CA13: variants seen among roughly 807,000 people sequenced by gnomAD.
The protein encoded by CA13 is CA-XIII.
A neutral mutation model predicts 31.5 loss-of-function variants in CA13; 21 were observed. The ratio of observed to expected loss-of-function variants is 0.67; its 90% CI spans 0.47 to 0.96. The LOEUF is 0.96. CA13 is among the 40% of genes least tolerant of loss of function. CA13 has a pLI of 0.00. For synonymous variants in CA13, 117 were observed against 111.4 expected (o/e 1.05, Z -0.32); for missense variants, 315 against 318.9 (o/e 0.99, Z 0.09).
At chr8:85,268,344 C>A in intron 5 of CA13, 128 bp from the exon 6 acceptor site, 1 of 823,776 alleles carries the variant, frequency 1.2e-6, no homozygotes, top group Non-Finnish European at 1.9e-6. Flanking sequence ...GAAGATATTA[C>A]ATAATTCTAG....
At chr8:85,248,160 A>C (rs904066229) in intron 1 of CA13, among the ~76,000 whole-genome samples, 1 of 152,138 alleles carries the variant, frequency 6.6e-6, no homozygotes, top group African/African-American at 2.4e-5. Flanking sequence ...ACATATCTCT[A>C]ATTAAGAATT....
intron 6 of CA13, 111 bp from the exon 7 acceptor site, chr8:85,281,119 C>T: frequency 7.7e-7 from 1 of 1,299,476 alleles, no homozygotes; most frequent in South Asian, 1.6e-5. Flanking sequence ...AGAAAATTTT[C>T]ATTGCAGTAT....
At chr8:85,253,243 C>A (rs967955952) in intron 2 of CA13, among the ~76,000 whole-genome samples, 1 of 149,876 alleles carries the variant, frequency 6.7e-6, no homozygotes, top group East Asian at 2.0e-4. Context: ...CTGCGCCCAG[C>A]CTTTTTTTCT....
intron 1 of CA13, chr8:85,249,736 T>G: frequency 2.9e-6 from 1 of 342,280 alleles, no homozygotes; most frequent in Non-Finnish European, 5.8e-6. Flanking sequence ...TAGGTGGTGA[T>G]AGCTGTATAA....
intron 3 of CA13, among the ~76,000 whole-genome samples, chr8:85,263,481 A>G (rs1807413874): frequency 6.6e-6 from 1 of 152,320 alleles, no homozygotes; most frequent in South Asian, 2.1e-4. Context: ...CAGTGACAGT[A>G]ATTTGGACTC....
chr8:85,250,924 A>G lies in CA13; in HGVS notation c.222A>G (p.Thr74=). 6.2e-7 allele frequency: 1 copy of G among 1,613,856 alleles called. No individual in the cohort carries two copies. The highest frequency in any genetic ancestry group is 2.2e-5 in the East Asian group (1 of 44,860). The change falls in exon 2 of 7, where the codon ACA becomes ACG. Residue 74 remains threonine (T), a synonymous_variant. Transcript: ENST00000321764. ...CCTTCAATGTTGACTTTGATGACAC[A>G]GAGAACAAATCAGGTTGGCTTTTCT... ...GHSFNVDFDD[T]ENKSVLRGGP...
rs2130029296 is a variant in CA13 at position 85,283,797 on chromosome 8, T to A, written c.*2448T>A. The stretch of plus-strand genomic sequence containing the variant: ...GGTTTCTGCTTCAGTATTGTGTTGG[T>A]TCTGTATTATAAATTGCACCTTAAT... On this transcript the variant is annotated 3_prime_UTR_variant, in exon 7 of 7. Coordinates refer to ENST00000321764, the MANE Select transcript of CA13 (RefSeq NM_198584.3). 6.5e-6 allele frequency: 1 copy of A among 152,720 alleles called. No homozygotes were observed. The highest frequency in any genetic ancestry group is 6.5e-5 in the Admixed American group (1 of 15,308). 9.5% of individuals were successfully genotyped at this position (152,720 alleles called of 1,614,324 possible).
intron 6 of CA13, among the ~76,000 whole-genome samples, chr8:85,271,280 C>A (rs1479460009): frequency 6.6e-6 from 1 of 152,176 alleles, no homozygotes; most frequent in Non-Finnish European, 1.5e-5. Flanking sequence ...GATACTGTCA[C>A]AATCAACAAA....
chr8:85,281,021 C>T (rs1046558418), intron 6 of CA13, among the ~76,000 whole-genome samples: 1 of 152,014 alleles, frequency 6.6e-6, no homozygotes, highest in Non-Finnish European at 1.5e-5. Context: ...ATTAAAAATG[C>T]TTATACATTT....
intron 5 of CA13, 64 bp downstream of exon 5, chr8:85,268,028 C>CT (rs1481866270): frequency 9.4e-7 from 1 of 1,060,646 alleles, no homozygotes; most frequent in African/African-American, 1.6e-5. Flanking sequence ...TCTTATCTTC[C>CT]TTTAAAGACT....
chr8:85,245,587 A>T lies in CA13; in HGVS notation c.-242A>T, dbSNP rs956651116. 5 of 540,852 alleles carry T rather than the reference A, an allele frequency of 9.2e-6. No homozygotes were observed. Among genetic ancestry groups the T allele is most frequent in the African/African-American group, 2.0e-5 (1 of 49,490 alleles). 33.5% of individuals were successfully genotyped at this position (540,852 alleles called of 1,614,324 possible). On this transcript the variant is annotated 5_prime_UTR_variant, in exon 1 of 7. Transcript: ENST00000321764. Reference sequence around the variant, plus strand: ...CTCTAACTCAAATCTCTCATTCCCGAGTCCAAACTAAGAGAGACTCGCGCC... The same window carrying T: ...CTCTAACTCAAATCTCTCATTCCCGTGTCCAAACTAAGAGAGACTCGCGCC...
At chr8:85,259,299 C>T in intron 2 of CA13, 122 bp from the exon 3 acceptor site, 2 of 725,670 alleles carry the variant, frequency 2.8e-6, no homozygotes, top group South Asian at 3.3e-5. Context: ...GCAAATGACA[C>T]ATTTGTAAAA....
chr8:85,270,921 G>A (rs886279440), intron 6 of CA13, among the ~76,000 whole-genome samples: 1 of 152,142 alleles, frequency 6.6e-6, no homozygotes, highest in African/African-American at 2.4e-5. Context: ...TTATTAATGT[G>A]GCTTTTATGC....
At position 85,267,904 on chromosome 8, in the gene CA13, T is replaced by C; in HGVS notation, c.453T>C (p.Ile151=). 1 of 1,590,552 alleles carries C rather than the reference T, an allele frequency of 6.3e-7. No homozygotes were observed. Among genetic ancestry groups the C allele is most frequent in the Non-Finnish European group, 8.6e-7 (1 of 1,161,960 alleles). ...GLAVLGVFLQ[I]GEPNSQLQKI... is the part of the protein sequence containing the mutation. ...CTTTTGAAATTTCATGTTTTTAGAT[T>C]GGTGAACCTAATTCCCAACTGCAAA... Residue 151 remains isoleucine, a splice_region_variant and synonymous_variant, in exon 5 of 7, where the codon ATT becomes ATC. Coordinates refer to ENST00000321764, the MANE Select transcript of CA13 (RefSeq NM_198584.3).
intron 2 of CA13, among the ~76,000 whole-genome samples, chr8:85,252,820 G>T (rs1036507267): frequency 5.3e-5 from 8 of 152,140 alleles, no homozygotes; most frequent in African/African-American, 1.4e-4. Context: ...TATTAATTGA[G>T]CCCAGATTTA....
rs1230167355 is a variant in CA13 at position 85,281,466 on chromosome 8, TTAG to T, written c.*120_*122del. On this transcript the variant is annotated 3_prime_UTR_variant, in exon 7 of 7. Transcript: ENST00000321764. ...GGAATTCTAATTTATAGGAAACATT[TTAG>T]TATGAGCTTCAGTGTCACAAAGAAA... The T allele has an allele frequency of 5.4e-6, 8 of 1,471,682 alleles. No individual in the cohort carries two copies. In the African/African-American group the frequency reaches 1.1e-4, roughly 21 times the overall value. 91.2% of individuals were successfully genotyped at this position (1,471,682 alleles called of 1,614,324 possible).
chr8:85,277,363 C>T (rs533573669), intron 6 of CA13, among the ~76,000 whole-genome samples: 8 of 151,808 alleles, frequency 5.3e-5, no homozygotes, highest in African/African-American at 1.2e-4. Flanking sequence ...TAACACTCAC[C>T]GGGAAGCTCT....
At chr8:85,270,313 T>A (rs1240848963) in intron 6 of CA13, among the ~76,000 whole-genome samples, 1 of 152,212 alleles carries the variant, frequency 6.6e-6, no homozygotes, top group African/African-American at 2.4e-5. Context: ...CAGGCAGCAT[T>A]TCCCCTTGGG....
Position 85,245,737 on chromosome 8 carries a change from G to A in CA13, c.-92G>A, listed in dbSNP as rs529978988. ...CCTGCCGCCGGCGCCCCGCGGTCCC[G>A]CCCTAGCAGGCTCCTTCCCGGGCCC... On this transcript the variant is annotated 5_prime_UTR_variant, in exon 1 of 7. Coordinates refer to ENST00000321764, the MANE Select transcript of CA13 (RefSeq NM_198584.3). The A allele has an allele frequency of 2.7e-6, 4 of 1,478,788 alleles. No homozygotes were observed. The highest frequency in any genetic ancestry group is 2.3e-5 in the East Asian group (1 of 44,058). The allele number at this position is 1,478,788 out of a possible 1,614,324, so 91.6% of individuals were successfully genotyped here. A position where few individuals can be genotyped will look rare whatever the true frequency, so the allele number is the denominator to read the frequency against.
Sources: gnomAD v4.1 joint callset for allele counts (sites outside exome capture counted in the v4.1 genomes callset) on GRCh38, gnomAD v4.1.1 for gene constraint, MANE v1.5 for transcripts, NCBI Gene and HGNC (gene_info 2026-07-23, HGNC 2026-07-21) for gene names.